The following SLC35D2 variants were observed in gnomAD, a reference collection of about 807,000 sequenced individuals.
SLC35D2 encodes nucleotide sugar transporter SLC35D2.
SLC35D2 carries 43 observed loss-of-function variants against 41.8 expected under a neutral mutation model. The ratio of observed to expected loss-of-function variants is 1.03; its 90% CI spans 0.81 to 1.33. The LOEUF is 1.33. Among genes scored for constraint, SLC35D2 ranks in the 40% most tolerant of loss-of-function variants. The probability of loss-of-function intolerance (pLI) is 0.00; values close to 1 mark genes in which losing one functional copy is unlikely to be tolerated. For missense variants in SLC35D2, 380 were observed against 408.4 expected, an observed-to-expected ratio of 0.93 and a Z score of 0.60; for synonymous variants, 150 against 163.9, an observed-to-expected ratio of 0.92 and a Z score of 0.65.
intron 1 of SLC35D2, among the ~76,000 whole-genome samples, chr9:96,381,426 CT>C (rs1433663642): frequency 9.2e-5 from 14 of 152,172 alleles, no homozygotes; most frequent in Admixed American, 4.6e-4. Flanking sequence ...CATTCAAACT[CT>C]TCACTCCTCC....
intron 9 of SLC35D2, among the ~76,000 whole-genome samples, chr9:96,329,635 C>A (rs560131874): frequency 2.0e-4 from 30 of 152,346 alleles, no homozygotes; most frequent in Admixed American, 1.4e-3. Context: ...TAAGCATACG[C>A]TGTCCATTTG....
intron 6 of SLC35D2, among the ~76,000 whole-genome samples, chr9:96,348,374 A>T (rs1032759359): frequency 6.6e-6 from 1 of 152,168 alleles, no homozygotes; most frequent in Non-Finnish European, 1.5e-5. Flanking sequence ...TGAGGCAGGG[A>T]TTCCATCAGC....
At chr9:96,319,780 G>A (rs979242948), downstream of SLC35D2, among the ~76,000 whole-genome samples, 2 of 152,192 alleles carry the variant, frequency 1.3e-5, no homozygotes, top group African/African-American at 2.4e-5. Flanking sequence ...GATTACAGGC[G>A]TGAACCGCCG....
chr9:96,369,142 C>G (rs1830587131), intron 1 of SLC35D2, among the ~76,000 whole-genome samples: 1 of 152,002 alleles, frequency 6.6e-6, no homozygotes, highest in Non-Finnish European at 1.5e-5. Context: ...GACACAAATG[C>G]AGCAAGGTTG....
At chr9:96,351,990 G>T in intron 5 of SLC35D2, 48 bp downstream of exon 5, 1 of 1,216,506 alleles carries the variant, frequency 8.2e-7, no homozygotes, top group Non-Finnish European at 1.2e-6. Flanking sequence ...TAAAAGAAAT[G>T]CAGTGGGTGG....
intron 9 of SLC35D2, among the ~76,000 whole-genome samples, chr9:96,331,516 T>TGC (rs1828809169): frequency 6.6e-6 from 1 of 152,044 alleles, no homozygotes; most frequent in African/African-American, 2.4e-5. Context: ...TCTTTCCCTC[T>TGC]GCCCCTCCTG....
intron 9 of SLC35D2, among the ~76,000 whole-genome samples, chr9:96,326,987 C>T (rs1475251285): frequency 1.3e-5 from 2 of 152,152 alleles, no homozygotes; most frequent in Non-Finnish European, 2.9e-5. Context: ...TCAGAGGGGA[C>T]CATCCCATCC....
At chr9:96,352,527 G>T (rs1217443315) in intron 4 of SLC35D2, among the ~76,000 whole-genome samples, 2 of 151,910 alleles carry the variant, frequency 1.3e-5, no homozygotes, top group African/African-American at 4.8e-5. Flanking sequence ...TTGCCATGTT[G>T]GCCAGGCTGG....
At chr9:96,336,632 G>T in intron 9 of SLC35D2, 85 bp downstream of exon 9, 1 of 821,416 alleles carries the variant, frequency 1.2e-6, no homozygotes. Context: ...AAGGAATTCT[G>T]ACAGAATAGA....
intron 1 of SLC35D2, 31 bp downstream of exon 1, chr9:96,383,446 G>T: frequency 7.0e-7 from 1 of 1,433,672 alleles, no homozygotes; most frequent in Non-Finnish European, 9.3e-7. Context: ...CCGCACTCCC[G>T]CAGACCCCCC....
intron 1 of SLC35D2, 86 bp from the exon 2 acceptor site, chr9:96,368,391 C>A: frequency 2.1e-6 from 2 of 937,556 alleles, no homozygotes; most frequent in Non-Finnish European, 3.2e-6. Flanking sequence ...AGTTATTAAA[C>A]AATCTGAGAA....
intron 7 of SLC35D2, among the ~76,000 whole-genome samples, chr9:96,344,529 A>AAAAAAT (rs745811048): frequency 2.9e-5 from 2 of 69,704 alleles, no homozygotes; most frequent in African/African-American, 1.6e-4. Context: ...AAAAAAAAAA[A>AAAAAAT]GGCCATGCAG....
intron 9 of SLC35D2, among the ~76,000 whole-genome samples, chr9:96,332,225 C>G (rs1304458340): frequency 6.6e-6 from 1 of 152,134 alleles, no homozygotes; most frequent in Admixed American, 6.5e-5. Context: ...GGGCTCGCCT[C>G]GAGTCTGGAG....
At chr9:96,354,290 T>C (rs942493164) in intron 4 of SLC35D2, among the ~76,000 whole-genome samples, 6 of 152,122 alleles carry the variant, frequency 3.9e-5, no homozygotes, top group Non-Finnish European at 5.9e-5. Flanking sequence ...AAAACAAACA[T>C]CTCATTTGGA....
intron 9 of SLC35D2, among the ~76,000 whole-genome samples, chr9:96,334,788 G>A (rs1472201458): frequency 1.3e-5 from 2 of 152,160 alleles, no homozygotes; most frequent in Non-Finnish European, 1.5e-5. Context: ...GTCAGATACA[G>A]AATATGGAAT....
intron 1 of SLC35D2, among the ~76,000 whole-genome samples, chr9:96,372,152 G>A (rs1438868481): frequency 1.3e-5 from 2 of 152,184 alleles, no homozygotes; most frequent in African/African-American, 2.4e-5. Context: ...TCCCAGGGTA[G>A]CTATCAAGTA....
At chr9:96,345,464 C>T (rs2130914534) in intron 6 of SLC35D2, 63 bp from the exon 7 acceptor site, 1 of 902,636 alleles carries the variant, frequency 1.1e-6, no homozygotes, top group Non-Finnish European at 1.8e-6. Context: ...CCTCCAAGCC[C>T]GCCTGATCTA....
intron 1 of SLC35D2, among the ~76,000 whole-genome samples, chr9:96,376,659 G>A (rs1009469633): frequency 6.6e-6 from 1 of 151,854 alleles, no homozygotes; most frequent in Non-Finnish European, 1.5e-5. Context: ...CATAATCCCG[G>A]CTACTCGGGA....
intron 7 of SLC35D2, among the ~76,000 whole-genome samples, chr9:96,344,718 G>T (rs1309437962): frequency 2.0e-5 from 3 of 147,282 alleles, no homozygotes; most frequent in African/African-American, 5.1e-5. Context: ...AGCTGGGGGT[G>T]GGGGAGGGAT....
Sources: gnomAD v4.1 joint callset for allele counts (sites outside exome capture counted in the v4.1 genomes callset) on GRCh38, gnomAD v4.1.1 for gene constraint, MANE v1.5 for transcripts, NCBI Gene and HGNC (gene_info 2026-07-23, HGNC 2026-07-21) for gene names.